Variants in CDH18 observed in about 807,000 individuals in gnomAD.
CDH18 encodes the protein cadherin 18.
A neutral mutation model predicts 67.9 loss-of-function variants in CDH18; 31 were observed. That is an observed-to-expected ratio of 0.46 (90% CI 0.34 to 0.62). The LOEUF is 0.62. Among genes scored for constraint, CDH18 ranks in the 20% least tolerant of loss-of-function variants. CDH18 has a pLI of 0.01. For synonymous variants in CDH18, 362 were observed against 347.2 expected, an observed-to-expected ratio of 1.04 and a Z score of -0.48; for missense variants, 890 against 975.5, an observed-to-expected ratio of 0.91 and a Z score of 1.17.
intron 2 of CDH18, among the ~76,000 whole-genome samples, chr5:20,064,682 T>C (rs1742812969): frequency 6.6e-6 from 1 of 152,070 alleles, no homozygotes; most frequent in South Asian, 2.1e-4. Flanking sequence ...ATATGTGACC[T>C]TACCAATTAA....
At chr5:20,149,404 T>C (rs570580978) in intron 2 of CDH18, among the ~76,000 whole-genome samples, 2 of 152,302 alleles carry the variant, frequency 1.3e-5, no homozygotes, top group Admixed American at 1.3e-4. Flanking sequence ...CAGCTTGACA[T>C]TCTCTTGGTT....
intron 2 of CDH18, among the ~76,000 whole-genome samples, chr5:19,994,284 CAT>C (rs199538915): frequency 0.014 from 2,156 of 151,188 alleles, 60 homozygotes; most frequent in African/African-American, 0.05. Context: ...CATATATACA[CAT>C]ATATGTATAC....
At chr5:20,169,406 A>G (rs1736533157) in intron 2 of CDH18, among the ~76,000 whole-genome samples, 1 of 152,164 alleles carries the variant, frequency 6.6e-6, no homozygotes, top group South Asian at 2.1e-4. Context: ...ATTTCCAAAC[A>G]AAGGAGGAAC....
At position 19,475,056 on chromosome 5, in the gene CDH18, C is replaced by T. The variant is rs150071486; in HGVS notation, c.1883-1340G>A. 1.2e-3 allele frequency among the ~76,000 whole-genome samples: 182 copies of T among 151,962 alleles called. 1 individual carries two copies. The highest frequency in any genetic ancestry group is 6.8e-3 in the Middle Eastern group (2 of 294). On this transcript the variant is annotated intron_variant, in intron 12 of 12. Transcript: ENST00000382275. ...GGCTTTATGATGGTGATAATGATGCCCATTAATATTTTTAACATTCTTTAC... is the reference window on the plus strand; with the variant it reads ...GGCTTTATGATGGTGATAATGATGCTCATTAATATTTTTAACATTCTTTAC...
chr5:19,688,429 G>A (rs951728842), intron 5 of CDH18, among the ~76,000 whole-genome samples: 16 of 152,130 alleles, frequency 1.1e-4, no homozygotes, highest in Admixed American at 8.5e-4. Context: ...AGACATCATT[G>A]CTGTTCTTTA....
In CDH18 at chr5:19,794,900, T is replaced by C. The variant is rs151239324; in HGVS notation, c.228+43859A>G. 9.9e-5 allele frequency among the ~76,000 whole-genome samples: 15 copies of C among 152,164 alleles called. No homozygotes were observed. The East Asian group carries it at 2.7e-3, about 28-fold the overall frequency. ...AAGTCACACAAGGGACAAATGTAAGTGATTTCTGAAAGGTATGAAAAAGGC... is the reference window on the plus strand; with the variant it reads ...AAGTCACACAAGGGACAAATGTAAGCGATTTCTGAAAGGTATGAAAAAGGC... On this transcript the variant is annotated intron_variant, in intron 3 of 12. Transcript: ENST00000382275.
intron 10 of CDH18, among the ~76,000 whole-genome samples, chr5:19,505,849 G>T (rs1027654067): frequency 1.3e-5 from 2 of 152,106 alleles, no homozygotes; most frequent in Non-Finnish European, 2.9e-5. Flanking sequence ...AGTTAGGGAG[G>T]ATTCCCTATT....
intron 3 of CDH18, among the ~76,000 whole-genome samples, chr5:19,838,020 T>C (rs1007841398): frequency 3.3e-5 from 5 of 152,170 alleles, no homozygotes; most frequent in African/African-American, 1.2e-4. Flanking sequence ...CAAAATTTCC[T>C]GAACAGTTTG....
At chr5:19,841,318 C>G (rs1782291943) in intron 2 of CDH18, among the ~76,000 whole-genome samples, 1 of 152,122 alleles carries the variant, frequency 6.6e-6, no homozygotes, top group African/African-American at 2.4e-5. Context: ...CAATACTATT[C>G]TAGCTTCAAA....
At chr5:19,759,469 A>G (rs1020196268) in intron 3 of CDH18, among the ~76,000 whole-genome samples, 2 of 152,132 alleles carry the variant, frequency 1.3e-5, no homozygotes, top group Non-Finnish European at 2.9e-5. Flanking sequence ...TCTGCCAGCT[A>G]CTAAGTATGT....
chr5:19,827,783 C>T (rs192663974), intron 3 of CDH18, among the ~76,000 whole-genome samples: 5 of 152,042 alleles, frequency 3.3e-5, no homozygotes, highest in African/African-American at 1.2e-4. Context: ...CACTTCAAAA[C>T]GTTAGAAAGA....
chr5:20,338,494 C>T (rs186670887), intron 1 of CDH18, among the ~76,000 whole-genome samples: 1 of 152,308 alleles, frequency 6.6e-6, no homozygotes, highest in Admixed American at 6.5e-5. Flanking sequence ...GGGACCAAGC[C>T]TCTTGCCCCA....
intron 1 of CDH18, among the ~76,000 whole-genome samples, chr5:20,492,226 G>A (rs1753638276): frequency 6.6e-6 from 1 of 151,688 alleles, no homozygotes; most frequent in Admixed American, 6.6e-5. Context: ...AGGGGCATTT[G>A]CTACACTATA....
intron 1 of CDH18, chr5:20,304,977 C>T (rs1736293214): frequency 6.2e-7 from 1 of 1,613,926 alleles, no homozygotes; most frequent in South Asian, 1.1e-5. Context: ...CGGCCAACTG[C>T]TTGTGATAGG....
intron 2 of CDH18, among the ~76,000 whole-genome samples, chr5:20,241,863 A>T (rs1164245521): frequency 1.8e-5 from 2 of 111,044 alleles, no homozygotes; most frequent in African/African-American, 8.1e-5. Context: ...AAAAAAAAAA[A>T]AATAAAATAA....
chr5:20,328,539 G>T lies in CDH18; in HGVS notation c.-579-73034C>A, dbSNP rs920286122. On this transcript the variant is annotated intron_variant, in intron 1 of 14. Coordinates refer to the CDH18 transcript ENST00000507958. ...AGAGAGAGAGAGAGAGATTATATGT[G>T]TTGGGGAGAATTAGGAGAATTTCTT... Among the ~76,000 whole-genome samples the T allele has an allele frequency of 4.5e-4, 68 of 151,522 alleles. No homozygotes were observed. The Middle Eastern group carries it at 0.017, about 38-fold the overall frequency.
At position 20,434,782 on chromosome 5, in the gene CDH18, A is replaced by T. The variant is rs1009742229; in HGVS notation, c.-580+140680T>A. Among the ~76,000 whole-genome samples the T allele has an allele frequency of 1.3e-4, 20 of 152,020 alleles. 1 individual carries two copies. The highest frequency in any genetic ancestry group is 4.6e-4 in the African/African-American group (19 of 41,418). ...AGGACAAGTTTCATTTAATAAATAA[A>T]CTAAAAAGGGTGTCAGTGTTTCAGA... On this transcript the variant is annotated intron_variant, in intron 1 of 14. Transcript: ENST00000507958.
At chr5:19,670,665 C>T (rs1758618903) in intron 5 of CDH18, among the ~76,000 whole-genome samples, 4 of 152,066 alleles carry the variant, frequency 2.6e-5, no homozygotes, top group African/African-American at 9.7e-5. Context: ...ATTATTATAT[C>T]CTTTGAAGTC....
rs1580065445 is a variant in CDH18 at position 20,024,917 on chromosome 5, G to A, written c.-517-32903C>T. 2.0e-5 allele frequency among the ~76,000 whole-genome samples: 3 copies of A among 152,194 alleles called. No homozygotes were observed. In the South Asian group the frequency reaches 6.2e-4, roughly 32 times the overall value. On this transcript the variant is annotated intron_variant, in intron 2 of 14. Transcript: ENST00000507958. The stretch of plus-strand genomic sequence containing the variant: ...AGGAGCTAATGTTTGGTAAGTGAGT[G>A]AAGAGACAGCAACATCACTCACTGA...
Sources: allele counts gnomAD v4.1 joint callset (sites outside exome capture counted in the v4.1 genomes callset), GRCh38; gene constraint gnomAD v4.1.1; transcripts MANE v1.5; gene names NCBI Gene and HGNC (gene_info 2026-07-23, HGNC 2026-07-21).